Variants in TMEM50B observed in about 807,000 individuals in gnomAD.
TMEM50B encodes the protein HCV p7-trans-regulated protein 3.
TMEM50B carries 14 observed loss-of-function variants against 23.4 expected under a neutral mutation model. That is an observed-to-expected ratio of 0.60 (90% CI 0.39 to 0.93). The LOEUF (loss-of-function observed/expected upper bound fraction) is 0.93, where lower values mean the gene tolerates loss of function less well. Among genes scored for constraint, TMEM50B ranks in the 40% least tolerant of loss-of-function variants. The pLI, the probability that TMEM50B is intolerant of heterozygous loss-of-function variation, is 0.00. For synonymous variants in TMEM50B, 64 were observed against 62.3 expected (o/e 1.03, Z -0.13); for missense variants, 159 against 193.0 (o/e 0.82, Z 1.04).
downstream of TMEM50B, among the ~76,000 whole-genome samples, chr21:33,448,492 T>G (rs1395792494): frequency 1.3e-5 from 2 of 151,888 alleles, no homozygotes; most frequent in Non-Finnish European, 2.9e-5. Context: ...CAACTTTTTT[T>G]TTTAATGACA....
At chr21:33,432,551 TTTAGCTA>T in exon 9 of TMEM50B, 1 of 894,920 alleles carries the variant, frequency 1.1e-6, no homozygotes. Flanking sequence ...CAGGATTGAC[TTTAGCTA>T]TTAATGTAAG....
intron 8 of TMEM50B, among the ~76,000 whole-genome samples, chr21:33,438,279 A>G (rs2083976787): frequency 6.6e-6 from 1 of 152,218 alleles, no homozygotes; most frequent in Non-Finnish European, 1.5e-5. Flanking sequence ...CAACAGAGCA[A>G]GAGACCCTGT....
downstream of TMEM50B, among the ~76,000 whole-genome samples, chr21:33,444,223 C>G (rs1447718403): frequency 6.6e-6 from 1 of 151,978 alleles, no homozygotes; most frequent in African/African-American, 2.4e-5. Flanking sequence ...TTATAACTCT[C>G]CTGGTAAGTC....
intron 6 of TMEM50B, among the ~76,000 whole-genome samples, chr21:33,453,076 T>A (rs537065000): frequency 6.6e-6 from 1 of 152,142 alleles, no homozygotes; most frequent in African/African-American, 2.4e-5. Flanking sequence ...AAAGTGACAA[T>A]AGAGAGATTA....
intron 7 of TMEM50B, among the ~76,000 whole-genome samples, chr21:33,439,768 C>A (rs2083991956): frequency 6.6e-6 from 1 of 151,732 alleles, no homozygotes; most frequent in South Asian, 2.1e-4. Context: ...ACTGTCAAGG[C>A]CAGGCGCAGT....
chr21:33,444,112 G>A (rs538297181), intron 7 of TMEM50B, among the ~76,000 whole-genome samples: 540 of 152,284 alleles, frequency 3.5e-3, no homozygotes, highest in African/African-American at 0.012. Flanking sequence ...TGTTGGCCAA[G>A]CTGGTCTTGA....
At chr21:33,473,733 C>T (rs1426408498) in intron 1 of TMEM50B, among the ~76,000 whole-genome samples, 2 of 151,624 alleles carry the variant, frequency 1.3e-5, no homozygotes, top group Non-Finnish European at 2.9e-5. Context: ...TATATCTTCA[C>T]AATAACTTGT....
chr21:33,451,524 T>C lies in TMEM50B; in HGVS notation c.432-661A>G, dbSNP rs144218245. On this transcript the variant is annotated intron_variant, in intron 6 of 6. Transcript: ENST00000542230. ...ACCTAGTTAGAGAGGTCAGGAAAGG[T>C]TTTCCTGAGGAGTGGTGACTGAATT... Among the ~76,000 whole-genome samples, 526 of 151,996 alleles carry C rather than the reference T, an allele frequency of 3.5e-3. 2 individuals are homozygous for C. The highest frequency in any genetic ancestry group is 4.4e-3 in the Non-Finnish European group (299 of 67,966).
At chr21:33,477,092 G>A (rs1342192490) in intron 1 of TMEM50B, among the ~76,000 whole-genome samples, 4 of 151,918 alleles carry the variant, frequency 2.6e-5, no homozygotes, top group Admixed American at 2.0e-4. Context: ...CTTGAGTTCA[G>A]GAATTCAAGA....
chr21:33,476,868 A>G (rs1469437373), intron 1 of TMEM50B, among the ~76,000 whole-genome samples: 1 of 152,130 alleles, frequency 6.6e-6, no homozygotes, highest in Non-Finnish European at 1.5e-5. Context: ...AACTTACCCT[A>G]GAACGACAAA....
downstream of TMEM50B, among the ~76,000 whole-genome samples, chr21:33,448,215 G>C (rs886254998): frequency 1.3e-5 from 2 of 151,978 alleles, no homozygotes; most frequent in African/African-American, 4.8e-5. Flanking sequence ...GGCTGGTCTC[G>C]AACTCCTGAC....
chr21:33,461,189 GAAGA>G (rs1235563916), intron 4 of TMEM50B, among the ~76,000 whole-genome samples: 1 of 152,186 alleles, frequency 6.6e-6, no homozygotes, highest in Non-Finnish European at 1.5e-5. Flanking sequence ...TCTGGAAGGG[GAAGA>G]AAGCTCCACT....
intron 8 of TMEM50B, among the ~76,000 whole-genome samples, chr21:33,435,778 G>A (rs2083940327): frequency 6.6e-6 from 1 of 151,092 alleles, no homozygotes; most frequent in South Asian, 2.1e-4. Context: ...AGCTACTTGG[G>A]AGGCTGAGGC....
intron 5 of TMEM50B, among the ~76,000 whole-genome samples, chr21:33,457,018 G>T (rs1329126775): frequency 6.6e-6 from 1 of 152,296 alleles, no homozygotes; most frequent in Admixed American, 6.5e-5. Context: ...ACTTTGGGGG[G>T]CCGAGGCGGG....
chr21:33,445,087 A>AG (rs1274673895), downstream of TMEM50B, among the ~76,000 whole-genome samples: 1 of 151,384 alleles, frequency 6.6e-6, no homozygotes, highest in East Asian at 1.9e-4. Context: ...CAGTCTCAAA[A>AG]AAAAAAAAAA....
At chr21:33,444,057 C>T (rs928670245) in intron 7 of TMEM50B, among the ~76,000 whole-genome samples, 4 of 152,216 alleles carry the variant, frequency 2.6e-5, no homozygotes, top group Middle Eastern at 3.4e-3. Context: ...CCTGCCACTA[C>T]GCCTGGCTAA....
chr21:33,464,719 G>C (rs1437059387), intron 4 of TMEM50B, among the ~76,000 whole-genome samples: 3 of 149,060 alleles, frequency 2.0e-5, no homozygotes, highest in Admixed American at 6.7e-5. Flanking sequence ...CAGGAGAATT[G>C]CTTGAACCCA....
intron 5 of TMEM50B, chr21:33,456,096 C>G (rs1298500771): frequency 6.7e-6 from 4 of 597,240 alleles, no homozygotes; most frequent in Non-Finnish European, 1.3e-5. Context: ...CTATGGCCAA[C>G]ACTGAAATGC....
chr21:33,465,470 T>C, intron 3 of TMEM50B, 61 bp from the exon 4 acceptor site: 1 of 1,279,768 alleles, frequency 7.8e-7, no homozygotes, highest in South Asian at 1.3e-5. Context: ...ACTCAAATAT[T>C]TATATAACAC....
Sources: gnomAD v4.1 joint callset for allele counts (sites outside exome capture counted in the v4.1 genomes callset) on GRCh38, gnomAD v4.1.1 for gene constraint, MANE v1.5 for transcripts, NCBI Gene and HGNC (gene_info 2026-07-23, HGNC 2026-07-21) for gene names.